The following PAPPA variants were observed in gnomAD, a reference collection of about 807,000 sequenced individuals.
The protein encoded by PAPPA is pappalysin-1.
In PAPPA, 60 loss-of-function variants were observed where a neutral mutation model predicts 164.0. The ratio of observed to expected loss-of-function variants is 0.37; its 90% confidence interval spans 0.30 to 0.45. The LOEUF (loss-of-function observed/expected upper bound fraction) is 0.45, where lower values mean the gene tolerates loss of function less well. Ranked by LOEUF, PAPPA falls within the 20% of genes least tolerant of loss-of-function variation. The pLI, the probability that PAPPA is intolerant of heterozygous loss-of-function variation, is 1.00. For missense variants in PAPPA, 1,782 were observed against 2,087.3 expected (o/e 0.85, Z 2.85); for synonymous variants, 875 against 814.1 (o/e 1.07, Z -1.27).
intron 14 of PAPPA, 89 bp from the exon 15 acceptor site, chr9:116,346,937 C>T: frequency 9.0e-7 from 1 of 1,117,180 alleles, no homozygotes; most frequent in Non-Finnish European, 1.3e-6. Context: ...CTGGGCGAGA[C>T]TCTGAGCCGT....
In PAPPA at chr9:116,353,790, C is replaced by A; in HGVS notation, c.4344C>A (p.Ser1448=). 1 of 1,610,752 alleles carries A rather than the reference C, an allele frequency of 6.2e-7. No individual in the cohort carries two copies. Among genetic ancestry groups the A allele is most frequent in the African/African-American group, 1.3e-5 (1 of 74,886 alleles). The change falls in exon 17 of 22, where the codon TCC becomes TCA. Residue 1448 remains serine (S), a synonymous_variant. Transcript: ENST00000328252. ...CRIKCEDSDA[S]QGLGSNVIHC... The stretch of plus-strand genomic sequence containing the variant: ...TCAAGTGTGAAGACAGTGATGCCTC[C>A]CAGGTAAGCCTCCTGGAACTTGAGA...
chr9:116,186,775 T>C (rs1164360570), intron 1 of PAPPA, among the ~76,000 whole-genome samples: 2 of 152,184 alleles, frequency 1.3e-5, no homozygotes, highest in East Asian at 3.8e-4. Context: ...TCCAACAGCT[T>C]TGGAAAATGG....
At chr9:116,350,413 T>C (rs999306656) in intron 15 of PAPPA, among the ~76,000 whole-genome samples, 1 of 152,134 alleles carries the variant, frequency 6.6e-6, no homozygotes, top group African/African-American at 2.4e-5. Flanking sequence ...TGGGGGGACA[T>C]ATCCATGGTC....
intron 4 of PAPPA, 146 bp downstream of exon 4, chr9:116,212,078 G>A (rs971854744): frequency 1.9e-5 from 13 of 697,792 alleles, no homozygotes; most frequent in African/African-American, 1.8e-4. Flanking sequence ...ATGTCTTTCG[G>A]TCATTCTCTT....
intron 9 of PAPPA, among the ~76,000 whole-genome samples, chr9:116,299,100 G>A (rs1379121694): frequency 6.6e-6 from 1 of 152,144 alleles, no homozygotes. Context: ...GCTGGCAGAT[G>A]TAGCTGAAGG....
rs10513273 is a variant in PAPPA at position 116,327,693 on chromosome 9, G to A, written c.3148-3551G>A. ...TGGCCAACTTTGTATCATGGGCAAGGCTCTTTTGTTTGCAGTTCTCTGAAG... is the reference window on the plus strand; with the variant it reads ...TGGCCAACTTTGTATCATGGGCAAGACTCTTTTGTTTGCAGTTCTCTGAAG... On this transcript the variant is annotated intron_variant, in intron 10 of 21. Transcript: ENST00000328252. 7.2e-5 allele frequency among the ~76,000 whole-genome samples: 11 copies of A among 152,126 alleles called. No individual in the cohort carries two copies. The East Asian group carries it at 2.1e-3, about 30-fold the overall frequency.
rs143986515 is a variant in PAPPA at position 116,383,960 on chromosome 9, A to G, written c.4776+1467A>G. The stretch of plus-strand genomic sequence containing the variant: ...AAGAAAACAAAAGAATTCACTTATT[A>G]TCTTAAAAACCAAAGAAAACCACTG... On this transcript the variant is annotated intron_variant, in intron 21 of 21. Coordinates refer to ENST00000328252, the MANE Select transcript of PAPPA (RefSeq NM_002581.5). Among the ~76,000 whole-genome samples the G allele has an allele frequency of 9.2e-3, 1,396 of 152,294 alleles. 27 individuals carry two copies. Among genetic ancestry groups the G allele is most frequent in the African/African-American group, 0.032 (1,324 of 41,564 alleles).
At chr9:116,170,619 A>C (rs932319827) in intron 1 of PAPPA, among the ~76,000 whole-genome samples, 22 of 105,210 alleles carry the variant, frequency 2.1e-4, no homozygotes, top group East Asian at 6.6e-4. Context: ...CTACCCCCTT[A>C]TCTCCCCCCA....
At chr9:116,171,681 C>T (rs1041196960) in intron 1 of PAPPA, among the ~76,000 whole-genome samples, 2 of 152,308 alleles carry the variant, frequency 1.3e-5, no homozygotes, top group East Asian at 3.9e-4. Context: ...AGGCTTCCTG[C>T]CTTTCCATCC....
intron 12 of PAPPA, 199 bp downstream of exon 12, chr9:116,332,667 G>A: frequency 2.0e-6 from 1 of 509,906 alleles, no homozygotes; most frequent in Non-Finnish European, 3.5e-6. Context: ...GGCAGATACA[G>A]GGATAAGGGG....
In PAPPA at chr9:116,347,073, G is replaced by C; in HGVS notation, c.3828G>C (p.Lys1276Asn). 1 of 1,614,146 alleles carries C rather than the reference G, an allele frequency of 6.2e-7. No individual in the cohort carries two copies. Among genetic ancestry groups the C allele is most frequent in the Non-Finnish European group, 8.5e-7 (1 of 1,180,012 alleles). The change falls in exon 15 of 22, where the codon AAG (lysine) becomes AAC (asparagine). Residue 1276 changes from lysine (K) to asparagine (N), a missense_variant. Around this residue, in one of 2 missense-constraint regions of PAPPA, gnomAD observed 1,324 missense variants for 1,656.9 expected, o/e 0.80. Coordinates refer to ENST00000328252, the MANE Select transcript of PAPPA (RefSeq NM_002581.5). This position sits in a 1 kb window ranked among gnomAD's most constrained non-coding sequence, Gnocchi z 4.5. ...TVTCTEGKWN[K>N]QVACEPVDCS... is the part of the protein sequence containing the mutation. ...CCTGTACAGAGGGCAAGTGGAATAAGCAGGTGGCCTGTGAGCCAGTCGACT... is the reference window on the plus strand; with the variant it reads ...CCTGTACAGAGGGCAAGTGGAATAACCAGGTGGCCTGTGAGCCAGTCGACT...
At chr9:116,179,739 C>G (rs1209116714) in intron 1 of PAPPA, among the ~76,000 whole-genome samples, 1 of 152,174 alleles carries the variant, frequency 6.6e-6, no homozygotes, top group African/African-American at 2.4e-5. Context: ...CATGGGTATA[C>G]TTAACCCAAA....
intron 2 of PAPPA, among the ~76,000 whole-genome samples, chr9:116,194,509 G>A (rs1844080510): frequency 6.6e-6 from 1 of 152,308 alleles, no homozygotes; most frequent in African/African-American, 2.4e-5. Context: ...CAGGAGTCAG[G>A]TCTGGTGTAG....
At chr9:116,356,488 T>A (rs1846355613) in intron 17 of PAPPA, among the ~76,000 whole-genome samples, 1 of 152,240 alleles carries the variant, frequency 6.6e-6, no homozygotes, top group Non-Finnish European at 1.5e-5. Context: ...TGTGAGCTCC[T>A]GGAGGGTCTA....
intron 10 of PAPPA, among the ~76,000 whole-genome samples, chr9:116,318,995 G>A (rs1376576013): frequency 6.6e-6 from 1 of 152,180 alleles, no homozygotes; most frequent in Admixed American, 6.5e-5. Flanking sequence ...AAGTCTCTGT[G>A]CCAGACTTTC....
rs890210535 is a variant in PAPPA at position 116,331,364 on chromosome 9, T to A, written c.3261+7T>A. 17 of 1,539,190 alleles carry A rather than the reference T, an allele frequency of 1.1e-5. No homozygotes were observed. Among genetic ancestry groups the A allele is most frequent in the Non-Finnish European group, 1.5e-5 (17 of 1,111,842 alleles). On this transcript the variant is annotated splice_region_variant and intron_variant, in intron 11 of 21. Transcript: ENST00000328252. ...GACCACTTTTTGGCTCCGGGTAAGC[T>A]GAAGCTCTGAGAGCTTTGGAATCTC... is the stretch of plus-strand genomic sequence containing the variant.
At chr9:116,209,232 G>C (rs1844277236) in intron 3 of PAPPA, among the ~76,000 whole-genome samples, 2 of 152,122 alleles carry the variant, frequency 1.3e-5, no homozygotes, top group African/African-American at 4.8e-5. Flanking sequence ...TGATATATGG[G>C]AGTAATGCTA....
intron 6 of PAPPA, among the ~76,000 whole-genome samples, chr9:116,233,813 G>T (rs1041190180): frequency 3.3e-5 from 5 of 151,840 alleles, no homozygotes; most frequent in Non-Finnish European, 7.4e-5. Context: ...TTTAAGCAAA[G>T]ATCTTTTTTT....
At chr9:116,230,982 C>A (rs1253980947) in intron 6 of PAPPA, among the ~76,000 whole-genome samples, 1 of 151,958 alleles carries the variant, frequency 6.6e-6, no homozygotes, top group Non-Finnish European at 1.5e-5. Flanking sequence ...CTCTATTTTT[C>A]TGCCCAGAAT....
Sources: gnomAD v4.1 joint callset for allele counts (sites outside exome capture counted in the v4.1 genomes callset) on GRCh38, gnomAD v4.1.1 for gene constraint, gnomAD v4.1.1 regional missense constraint, Gnocchi (gnomAD v3.1) non-coding constraint, MANE v1.5 for transcripts, NCBI Gene and HGNC (gene_info 2026-07-23, HGNC 2026-07-21) for gene names.